The following CCDC33 variants were observed in gnomAD, a reference collection of about 807,000 sequenced individuals.
CCDC33 encodes the protein coiled-coil domain containing 33.
A neutral mutation model predicts 91.9 loss-of-function variants in CCDC33; 94 were observed. That is an observed-to-expected ratio of 1.02 (90% CI 0.87 to 1.21). CCDC33 has a LOEUF of 1.21. Ranked by LOEUF, CCDC33 falls within the 50% of genes most tolerant of loss-of-function variation. CCDC33 has a pLI of 0.00. For synonymous variants in CCDC33, 396 were observed against 374.5 expected (o/e 1.06, Z -0.66); for missense variants, 940 against 935.5 (o/e 1.00, Z -0.06).
chr15:74,332,940 C>A, intron 16 of CCDC33, 95 bp downstream of exon 16: 1 of 1,453,584 alleles, frequency 6.9e-7, no homozygotes, highest in Non-Finnish European at 9.3e-7. Flanking sequence ...AGACCAGGAG[C>A]TAAGCTTCCC....
chr15:74,270,150 C>T (rs1199399081), intron 5 of CCDC33, among the ~76,000 whole-genome samples: 1 of 152,170 alleles, frequency 6.6e-6, no homozygotes, highest in Non-Finnish European at 1.5e-5. Flanking sequence ...GACTATTGTA[C>T]GTGCCCATCA....
intron 11 of CCDC33, among the ~76,000 whole-genome samples, chr15:74,308,264 C>G (rs2059927884): frequency 6.6e-6 from 1 of 151,982 alleles, no homozygotes; most frequent in South Asian, 2.1e-4. Flanking sequence ...TATCAGGGTG[C>G]ACTCCTGAGT....
At chr15:74,213,670 G>C (rs1159392851), upstream of CCDC33, among the ~76,000 whole-genome samples, 1 of 152,186 alleles carries the variant, frequency 6.6e-6, no homozygotes, top group Non-Finnish European at 1.5e-5. Flanking sequence ...TTTGTGTGAC[G>C]GAGGGAGACT....
Position 74,315,688 on chromosome 15 carries a change from G to T in CCDC33, c.1291-14501G>T, listed in dbSNP as rs552489344. 2.6e-5 allele frequency among the ~76,000 whole-genome samples: 4 copies of T among 152,332 alleles called. No individual in the cohort carries two copies. In the South Asian group the frequency reaches 6.2e-4, roughly 24 times the overall value. On this transcript the variant is annotated intron_variant, in intron 11 of 18. Transcript: ENST00000398814. Reference sequence around the variant, plus strand: ...CTTTGCAGAATGGATCTGCAGAGATGGGGGAAGGCGACTCTGTCCTGTAGG... The same window carrying T: ...CTTTGCAGAATGGATCTGCAGAGATTGGGGAAGGCGACTCTGTCCTGTAGG...
intron 16 of CCDC33, 198 bp downstream of exon 16, chr15:74,333,043 T>C: frequency 1.3e-6 from 1 of 757,000 alleles, no homozygotes; most frequent in South Asian, 1.8e-5. Context: ...CACTTCACCT[T>C]TAACCTCATC....
intron 2 of CCDC33, among the ~76,000 whole-genome samples, chr15:74,250,714 A>G (rs2075681561): frequency 6.6e-6 from 1 of 152,200 alleles, no homozygotes; most frequent in African/African-American, 2.4e-5. Flanking sequence ...TTTTATTCCT[A>G]TCATGAAACA....
chr15:74,285,634 C>T (rs899156652), intron 10 of CCDC33, among the ~76,000 whole-genome samples: 3 of 151,784 alleles, frequency 2.0e-5, no homozygotes, highest in Non-Finnish European at 4.4e-5. Flanking sequence ...CTTTTGAGGG[C>T]AGACTAGATA....
chr15:74,279,066 A>C (rs1172308568), intron 7 of CCDC33, among the ~76,000 whole-genome samples: 1 of 152,224 alleles, frequency 6.6e-6, no homozygotes, highest in Non-Finnish European at 1.5e-5. Context: ...ACACAGATAC[A>C]ACACTTTAGG....
intron 7 of CCDC33, among the ~76,000 whole-genome samples, chr15:74,273,477 AT>A (rs1426869486): frequency 6.6e-6 from 1 of 152,138 alleles, no homozygotes; most frequent in Admixed American, 6.5e-5. Flanking sequence ...CAGTAAAAAA[AT>A]TTTTTTTGAG....
rs572128186 is a variant in CCDC33, at chr15:74,268,387, T to G, written c.475T>G (p.Leu159Val). 6.2e-7 allele frequency: 1 copy of G among 1,613,980 alleles called. No individual in the cohort carries two copies. The highest frequency in any genetic ancestry group is 8.5e-7 in the Non-Finnish European group (1 of 1,179,898). ...CGATGAAGCCACTGCCAAGACCCAG[T>G]TGTACGCAACAGTCGTTCGGAAGAG... ...KADEATAKTQ[L>V]YATVVRKSSF... Residue 159 changes from leucine to valine, a missense_variant, in exon 5 of 19, where the codon TTG (leucine) becomes GTG (valine). Physicochemically the swap from Leu to Val is conservative, Grantham distance 32. Transcript: ENST00000398814.
intron 10 of CCDC33, among the ~76,000 whole-genome samples, chr15:74,289,702 G>C (rs1200771393): frequency 6.6e-6 from 1 of 152,194 alleles, no homozygotes; most frequent in Non-Finnish European, 1.5e-5. Flanking sequence ...CAGGAGGATT[G>C]CTTGAACTTG....
At position 74,330,971 on chromosome 15, in the gene CCDC33, C is replaced by A. The variant is rs375631500; in HGVS notation, c.1546-10C>A. The A allele has an allele frequency of 6.3e-7, 1 of 1,576,518 alleles. No individual in the cohort carries two copies. The highest frequency in any genetic ancestry group is 8.6e-7 in the Non-Finnish European group (1 of 1,160,838). On this transcript the variant is annotated splice_polypyrimidine_tract_variant and intron_variant, in intron 13 of 18. Transcript: ENST00000398814. ...CATTCTCTCCCCTTCTCTCCTCCCC[C>A]ATCTCACAGAAGAATGATCGAGAGA...
At chr15:74,256,141 C>T (rs1012444376) in intron 2 of CCDC33, among the ~76,000 whole-genome samples, 1 of 152,144 alleles carries the variant, frequency 6.6e-6, no homozygotes, top group African/African-American at 2.4e-5. Context: ...ATGCTGTCCC[C>T]ACTCACTCAT....
intron 4 of CCDC33, 57 bp from the exon 5 acceptor site, chr15:74,268,285 A>T: frequency 8.0e-7 from 1 of 1,246,286 alleles, no homozygotes; most frequent in Non-Finnish European, 1.2e-6. Context: ...TATGGCCAGG[A>T]TCTGCCCCTT....
intron 7 of CCDC33, among the ~76,000 whole-genome samples, chr15:74,276,192 G>A (rs947837528): frequency 6.6e-6 from 1 of 152,228 alleles, no homozygotes; most frequent in South Asian, 2.1e-4. Context: ...TGGTGATGAG[G>A]CAAGGAGGGG....
At chr15:74,231,060 G>A (rs1369279445) in intron 2 of CCDC33, among the ~76,000 whole-genome samples, 1 of 152,160 alleles carries the variant, frequency 6.6e-6, no homozygotes, top group Non-Finnish European at 1.5e-5. Context: ...GATACACAAG[G>A]GTTTAGCCCA....
At chr15:74,223,723 T>TACACACACACACACACAC (rs55820464) in intron 2 of CCDC33, among the ~76,000 whole-genome samples, 25 of 112,262 alleles carry the variant, frequency 2.2e-4, no homozygotes, top group Admixed American at 5.2e-4. Flanking sequence ...ACCGCCAGCA[T>TACACACACACACACACAC]ACACACACAC....
intron 10 of CCDC33, among the ~76,000 whole-genome samples, chr15:74,288,258 G>A (rs2059517887): frequency 1.3e-5 from 2 of 152,150 alleles, no homozygotes; most frequent in South Asian, 4.1e-4. Context: ...AGAGAAGTCA[G>A]GGCCTGTCAG....
intron 6 of CCDC33, 79 bp from the exon 7 acceptor site, chr15:74,272,692 G>T: frequency 6.4e-7 from 1 of 1,562,338 alleles, no homozygotes. Context: ...CATCAACCCA[G>T]AGTCTAAGCG....
Sources: gnomAD v4.1 joint callset for allele counts (sites outside exome capture counted in the v4.1 genomes callset) on GRCh38, gnomAD v4.1.1 for gene constraint, MANE v1.5 for transcripts, NCBI Gene and HGNC (gene_info 2026-07-23, HGNC 2026-07-21) for gene names.